The following SAMD5 variants were observed in gnomAD, a reference collection of about 807,000 sequenced individuals.
The protein encoded by SAMD5 is sterile alpha motif domain containing 5.
A neutral mutation model predicts 11.3 loss-of-function variants in SAMD5; 13 were observed. The observed-to-expected ratio is 1.15, with a 90% confidence interval of 0.75 to 1.83. The LOEUF is 1.83. Ranked by LOEUF, SAMD5 falls within the 40% of genes most tolerant of loss-of-function variation. SAMD5 has a pLI of 0.00. For missense variants in SAMD5, 255 were observed against 239.1 expected, an observed-to-expected ratio of 1.07 and a Z score of -0.44; for synonymous variants, 129 against 111.3, an observed-to-expected ratio of 1.16 and a Z score of -1.00.
intron 1 of SAMD5, among the ~76,000 whole-genome samples, chr6:147,706,401 G>GT (rs1032474157): frequency 4.8e-4 from 73 of 152,000 alleles, no homozygotes; most frequent in African/African-American, 1.7e-3. Flanking sequence ...AATTTTTGTA[G>GT]TTTTTTAGTA....
chr6:147,921,182 C>G, the SAMD5 span, among the ~76,000 whole-genome samples: 1 of 151,904 alleles, frequency 6.6e-6, no homozygotes, highest in Non-Finnish European at 1.5e-5. Context: ...AAATTACAGT[C>G]AAACGGGAAA....
In SAMD5 at chr6:147,555,703, G is replaced by C. The variant is rs189504367; in HGVS notation, c.460-8691G>C. Among the ~76,000 whole-genome samples, 116 of 152,298 alleles carry C rather than the reference G, an allele frequency of 7.6e-4. 1 individual carries two copies. Among genetic ancestry groups the C allele is most frequent in the African/African-American group, 2.6e-3 (110 of 41,568 alleles). On this transcript the variant is annotated intron_variant, in intron 1 of 1. Coordinates refer to ENST00000367474, the MANE Select transcript of SAMD5 (RefSeq NM_001030060.3). ...GTATGGGGGAAAAAGTCAATCAAAAGTTGAAGATTGACCAATGATTTTAAT... is the reference window on the plus strand; with the variant it reads ...GTATGGGGGAAAAAGTCAATCAAAACTTGAAGATTGACCAATGATTTTAAT...
At chr6:147,617,990 T>C (rs940919564) in intron 1 of SAMD5, among the ~76,000 whole-genome samples, 3 of 152,266 alleles carry the variant, frequency 2.0e-5, no homozygotes, top group Non-Finnish European at 4.4e-5. Context: ...AAACATTTAT[T>C]GAGTGCCTAA....
At chr6:147,932,066 T>C in the SAMD5 span, among the ~76,000 whole-genome samples, 4 of 152,228 alleles carry the variant, frequency 2.6e-5, no homozygotes, top group African/African-American at 4.8e-5. Flanking sequence ...TATAATAGCA[T>C]TAAATTAGTC....
chr6:147,898,696 G>A, the SAMD5 span, among the ~76,000 whole-genome samples: 1 of 152,224 alleles, frequency 6.6e-6, no homozygotes, highest in South Asian at 2.1e-4. Context: ...AATTTGGGGA[G>A]AGCCTTGCTG....
At chr6:147,735,872 C>G (rs900470917) in intron 1 of SAMD5, among the ~76,000 whole-genome samples, 1 of 152,170 alleles carries the variant, frequency 6.6e-6, no homozygotes, top group African/African-American at 2.4e-5. Flanking sequence ...AGTGTGTCAA[C>G]TCTGGATTTA....
At chr6:147,512,711 G>A (rs145849449) in intron 1 of SAMD5, among the ~76,000 whole-genome samples, 177 of 152,146 alleles carry the variant, frequency 1.2e-3, no homozygotes, top group Non-Finnish European at 2.0e-3. Flanking sequence ...TGTGAAATGG[G>A]GATAAAATAA....
At chr6:147,666,581 T>C (rs993217816) in intron 1 of SAMD5, among the ~76,000 whole-genome samples, 1 of 152,100 alleles carries the variant, frequency 6.6e-6, no homozygotes, top group Non-Finnish European at 1.5e-5. Flanking sequence ...CCTGGCAGCC[T>C]CAGCAAGCCA....
At chr6:147,890,490 C>T in the SAMD5 span, among the ~76,000 whole-genome samples, 1 of 151,750 alleles carries the variant, frequency 6.6e-6, no homozygotes, top group South Asian at 2.1e-4. Context: ...TCCCAAGTAG[C>T]TGGGACTACA....
intron 1 of SAMD5, among the ~76,000 whole-genome samples, chr6:147,675,652 G>A (rs1790852416): frequency 6.6e-6 from 1 of 152,118 alleles, no homozygotes; most frequent in African/African-American, 2.4e-5. Context: ...TGTCATTAAG[G>A]CCTCACTCTT....
At chr6:147,516,517 T>C (rs609205) in intron 1 of SAMD5, among the ~76,000 whole-genome samples, 50,778 of 152,080 alleles carry the variant, frequency 0.33, 9,465 homozygotes, top group African/African-American at 0.51. Flanking sequence ...CATGAACTTA[T>C]TAGATCGACG....
the SAMD5 span, among the ~76,000 whole-genome samples, chr6:147,794,484 G>T: frequency 6.6e-6 from 1 of 151,870 alleles, no homozygotes; most frequent in Non-Finnish European, 1.5e-5. Context: ...CCATATAAAT[G>T]CATTTAATTT....
chr6:147,740,021 T>C (rs1322364045), downstream of SAMD5, among the ~76,000 whole-genome samples: 2 of 152,204 alleles, frequency 1.3e-5, no homozygotes, highest in Non-Finnish European at 2.9e-5. Context: ...AGTTTCACCA[T>C]GTTGGCCAGG....
intron 1 of SAMD5, among the ~76,000 whole-genome samples, chr6:147,586,559 A>G (rs1789377444): frequency 1.3e-5 from 2 of 152,090 alleles, no homozygotes; most frequent in Non-Finnish European, 2.9e-5. Flanking sequence ...AAACTAATCA[A>G]CGTTACCACG....
the SAMD5 span, among the ~76,000 whole-genome samples, chr6:147,761,867 C>T: frequency 5.9e-5 from 9 of 152,224 alleles, no homozygotes; most frequent in African/African-American, 2.2e-4. Context: ...CACTCACCAC[C>T]ATGCCTAGTT....
the SAMD5 span, among the ~76,000 whole-genome samples, chr6:147,884,052 T>C: frequency 6.6e-6 from 1 of 152,212 alleles, no homozygotes; most frequent in South Asian, 2.1e-4. Flanking sequence ...TTTTCTTCTA[T>C]AGTCGTTTTT....
intron 1 of SAMD5, among the ~76,000 whole-genome samples, chr6:147,536,949 G>T (rs1259250603): frequency 6.6e-6 from 1 of 151,930 alleles, no homozygotes; most frequent in Non-Finnish European, 1.5e-5. Context: ...AAATTTTATA[G>T]CTGATTATAC....
At chr6:147,734,711 T>TAAGAAAAAA (rs1791768071) in intron 1 of SAMD5, among the ~76,000 whole-genome samples, 1 of 26,100 alleles carries the variant, frequency 3.8e-5, no homozygotes, top group East Asian at 1.1e-3. Flanking sequence ...AGACTCCATC[T>TAAGAAAAAA]AAAAAAAAAA....
intron 1 of SAMD5, among the ~76,000 whole-genome samples, chr6:147,674,834 C>T (rs1583134621): frequency 6.6e-6 from 1 of 152,352 alleles, no homozygotes; most frequent in East Asian, 1.9e-4. Flanking sequence ...TGCCCACTCT[C>T]CTTCTGCTGT....
Sources: gnomAD v4.1 joint callset for allele counts (sites outside exome capture counted in the v4.1 genomes callset) on GRCh38, gnomAD v4.1.1 for gene constraint, MANE v1.5 for transcripts, NCBI Gene and HGNC (gene_info 2026-07-23, HGNC 2026-07-21) for gene names.